ZEB1: variants seen among roughly 807,000 people sequenced by gnomAD.
ZEB1 encodes the protein zinc finger E-box binding homeobox 1.
Under a neutral mutation model 84.9 loss-of-function variants are expected in ZEB1, and 21 were observed. The observed-to-expected ratio is 0.25, with a 90% CI of 0.18 to 0.36. The LOEUF (loss-of-function observed/expected upper bound fraction) is 0.36, where lower values mean the gene tolerates loss of function less well. ZEB1 is among the 10% of genes least tolerant of loss of function. ZEB1 has a pLI of 1.00. For missense variants in ZEB1, 1,104 were observed against 1,330.2 expected (o/e 0.83, Z 2.65); for synonymous variants, 420 against 471.1 (o/e 0.89, Z 1.41).
At chr10:31,430,279 G>GT (rs1328018560) in intron 1 of ZEB1, among the ~76,000 whole-genome samples, 2 of 152,180 alleles carry the variant, frequency 1.3e-5, no homozygotes, top group Non-Finnish European at 2.9e-5. Context: ...AAACTGTGTA[G>GT]TGGTAGCTTA....
Position 31,520,520 on chromosome 10 carries a change from T to A in ZEB1, c.1188T>A (p.Val396=), listed in dbSNP as rs1321956485. 1 of 1,613,776 alleles carries A rather than the reference T, an allele frequency of 6.2e-7. No homozygotes were observed. The highest frequency in any genetic ancestry group is 1.7e-5 in the Admixed American group (1 of 59,998). ...SSPQGMVQAV[V]LPTVGLVSPI... ...CTCAGGGCATGGTGCAAGCTGTTGT[T>A]CTGCCAACAGTTGGTTTGGTGTCTC... The change falls in exon 7 of 9, where the codon GTT becomes GTA. Residue 396 remains valine, a synonymous_variant. Transcript: ENST00000424869. This position sits in a 1 kb window ranked among gnomAD's most constrained non-coding sequence, Gnocchi z 5.1.
chr10:31,411,676 TTATAGCACTAAATGCTATAAATTTC>T (rs2054312138), intron 1 of ZEB1, among the ~76,000 whole-genome samples: 1 of 146,856 alleles, frequency 6.8e-6, no homozygotes. Flanking sequence ...GGAGAGAAAT[TTATAGCACTAAATGCTATAAATTTC>T]TCTCCCACAA....
At chr10:31,451,027 C>T (rs2137045047) in intron 1 of ZEB1, among the ~76,000 whole-genome samples, 1 of 152,240 alleles carries the variant, frequency 6.6e-6, no homozygotes, top group African/African-American at 2.4e-5. Context: ...ACAAAATTAT[C>T]AGTCCTTTAC....
In ZEB1 at chr10:31,372,427, G is replaced by A. The variant is rs569645375; in HGVS notation, c.58+53135G>A. ...GTCAAAAATCGTATATAAATGACAG[G>A]CCCTATGAAGAGTAGCCGTAAGAAT... On this transcript the variant is annotated intron_variant, in intron 1 of 8. Transcript: ENST00000424869. Among the ~76,000 whole-genome samples the A allele has an allele frequency of 3.3e-4, 50 of 151,998 alleles. 1 individual carries two copies. The South Asian group carries it at 5.0e-3, about 15-fold the overall frequency.
rs1479844323 is a variant in ZEB1, at chr10:31,395,812, T to C, written c.59-65225T>C. On this transcript the variant is annotated intron_variant, in intron 1 of 8. Transcript: ENST00000424869. ...GATAACTAATAATTCTAGCACTGAA[T>C]GAAACAAATGCCTGAGACCTACTGG... Among the ~76,000 whole-genome samples the C allele has an allele frequency of 2.6e-5, 4 of 152,330 alleles. 1 individual carries two copies. Among genetic ancestry groups the C allele is most frequent in the Admixed American group, 2.0e-4 (3 of 15,300 alleles).
chr10:31,380,948 T>C (rs1382173247), intron 1 of ZEB1, among the ~76,000 whole-genome samples: 1 of 152,186 alleles, frequency 6.6e-6, no homozygotes, highest in Admixed American at 6.6e-5. Flanking sequence ...TTGCCAGTTT[T>C]ATTTGGTCAA....
intron 1 of ZEB1, among the ~76,000 whole-genome samples, chr10:31,422,640 A>C (rs2136071102): frequency 6.6e-6 from 1 of 152,252 alleles, no homozygotes; most frequent in South Asian, 2.1e-4. Flanking sequence ...ACTTTTCAAA[A>C]AATCTATATT....
intron 1 of ZEB1, chr10:31,321,446 T>C (rs150429169): frequency 6.2e-7 from 1 of 1,613,972 alleles, no homozygotes; most frequent in East Asian, 2.2e-5. Context: ...CATAGGCTAT[T>C]GCAATTTTAA....
chr10:31,478,571 C>G (rs1210450582), intron 2 of ZEB1, among the ~76,000 whole-genome samples: 1 of 151,902 alleles, frequency 6.6e-6, no homozygotes, highest in Non-Finnish European at 1.5e-5. Flanking sequence ...CGCAGAACTA[C>G]TCACAATAGC....
At chr10:31,357,762 G>A (rs1017145688) in intron 1 of ZEB1, among the ~76,000 whole-genome samples, 3 of 151,912 alleles carry the variant, frequency 2.0e-5, no homozygotes, top group Non-Finnish European at 4.4e-5. Context: ...AAGAATATTG[G>A]TTAGCTCACA....
intron 1 of ZEB1, among the ~76,000 whole-genome samples, chr10:31,327,173 C>T (rs549576867): frequency 6.4e-5 from 9 of 141,372 alleles, no homozygotes; most frequent in East Asian, 2.1e-4. Context: ...TGTAAAGGCG[C>T]GATATCAGCT....
chr10:31,457,956 A>G (rs1286625593), intron 1 of ZEB1, among the ~76,000 whole-genome samples: 2 of 152,138 alleles, frequency 1.3e-5, no homozygotes, highest in African/African-American at 4.8e-5. Flanking sequence ...GCAATATTGC[A>G]TCATTAAAAG....
rs569280551 is a variant in ZEB1 at position 31,362,430 on chromosome 10, G to A, written c.58+43138G>A. ...GGGGGGCCGGGCAGAGGCACTCCTCGCTTCGCAGACGGGACGGTGGCTGGG... is the reference window on the plus strand; with the variant it reads ...GGGGGGCCGGGCAGAGGCACTCCTCACTTCGCAGACGGGACGGTGGCTGGG... On this transcript the variant is annotated intron_variant, in intron 1 of 8. Coordinates refer to ENST00000424869, the MANE Select transcript of ZEB1 (RefSeq NM_001174096.2). Among the ~76,000 whole-genome samples, 147 of 125,872 alleles carry A rather than the reference G, an allele frequency of 1.2e-3. 2 individuals are homozygous for A. The highest frequency in any genetic ancestry group is 4.4e-3 in the African/African-American group (144 of 32,902). 82.6% of individuals were successfully genotyped at this position (125,872 alleles called of 152,430 possible).
chr10:31,485,682 CT>C (rs376759470), intron 2 of ZEB1, among the ~76,000 whole-genome samples: 31 of 148,416 alleles, frequency 2.1e-4, no homozygotes, highest in African/African-American at 2.5e-4. Context: ...AAGTAAGTTT[CT>C]TTTTTTTTTC....
At chr10:31,522,044 C>A in intron 7 of ZEB1, 108 bp downstream of exon 7, 1 of 1,486,618 alleles carries the variant, frequency 6.7e-7, no homozygotes, top group Non-Finnish European at 9.2e-7. Context: ...TAGATTATTA[C>A]AAACTGTCAT....
intron 2 of ZEB1, among the ~76,000 whole-genome samples, chr10:31,464,132 C>T (rs2062115737): frequency 6.6e-6 from 1 of 151,828 alleles, no homozygotes; most frequent in Non-Finnish European, 1.5e-5. Context: ...ACAAATTAAA[C>T]AGGGTTAAAG....
At chr10:31,383,817 G>A (rs1387995403) in intron 1 of ZEB1, among the ~76,000 whole-genome samples, 1 of 152,028 alleles carries the variant, frequency 6.6e-6, no homozygotes. Context: ...GAAAGAACTG[G>A]TAAAAGGAAT....
Position 31,521,852 on chromosome 10 carries a change from C to T in ZEB1, c.2520C>T (p.Pro840=). 1 of 1,613,866 alleles carries T rather than the reference C, an allele frequency of 6.2e-7. No homozygotes were observed. Among genetic ancestry groups the T allele is most frequent in the Non-Finnish European group, 8.5e-7 (1 of 1,179,880 alleles). Residue 840 remains proline, a synonymous_variant, in exon 7 of 9, where the codon CCC becomes CCT. Transcript: ENST00000424869. The stretch of plus-strand genomic sequence containing the variant: ...CCAATAAGCAAACGATTCTGATTCC[C>T]CAGGTGGCATACACCTACTCAACTA... ...LAANKQTILI[P]QVAYTYSTTV...
chr10:31,346,133 A>G (rs978550484), intron 1 of ZEB1, among the ~76,000 whole-genome samples: 5 of 152,276 alleles, frequency 3.3e-5, no homozygotes, highest in East Asian at 3.9e-4. Context: ...TTTATAGGGA[A>G]GCTTATGACA....
Sources: allele counts gnomAD v4.1 joint callset (sites outside exome capture counted in the v4.1 genomes callset), GRCh38; gene constraint gnomAD v4.1.1; non-coding constraint Gnocchi (gnomAD v3.1); transcripts MANE v1.5; gene names NCBI Gene and HGNC (gene_info 2026-07-23, HGNC 2026-07-21).